AXDND1: variants seen among roughly 807,000 people sequenced by gnomAD.
The protein encoded by AXDND1 is axonemal dynein light chain domain containing 1.
In AXDND1, 110 loss-of-function variants were observed where a neutral mutation model predicts 137.5. That is an observed-to-expected ratio of 0.80 (90% CI 0.69 to 0.94). The LOEUF is 0.94. Ranked by LOEUF, AXDND1 falls within the 40% of genes least tolerant of loss-of-function variation. The pLI, the probability that AXDND1 is intolerant of heterozygous loss-of-function variation, is 0.00. For missense variants in AXDND1, 1,191 were observed against 1,169.8 expected, an observed-to-expected ratio of 1.02 and a Z score of -0.26; for synonymous variants, 414 against 399.7, an observed-to-expected ratio of 1.04 and a Z score of -0.43.
chr1:179,488,214 A>T (rs1666308173), intron 18 of AXDND1, among the ~76,000 whole-genome samples: 1 of 148,130 alleles, frequency 6.8e-6, no homozygotes, highest in African/African-American at 2.6e-5. Context: ...AAGATTAGAA[A>T]CATACTTCCA....
At chr1:179,499,875 A>G (rs1046907554) in intron 20 of AXDND1, among the ~76,000 whole-genome samples, 2 of 152,122 alleles carry the variant, frequency 1.3e-5, no homozygotes, top group African/African-American at 4.8e-5. Flanking sequence ...AACCCAGAAG[A>G]CTTGCGAATA....
intron 11 of AXDND1, among the ~76,000 whole-genome samples, chr1:179,408,002 C>T (rs1653247710): frequency 6.6e-6 from 1 of 152,132 alleles, no homozygotes; most frequent in Non-Finnish European, 1.5e-5. Flanking sequence ...AAAGACCTGT[C>T]TTCAAGGTCA....
At chr1:179,368,657 A>T (rs1203897425) in intron 2 of AXDND1, 143 bp from the exon 3 acceptor site, 3 of 671,668 alleles carry the variant, frequency 4.5e-6, no homozygotes, top group Non-Finnish European at 2.5e-6. Context: ...ACTGTTTTCA[A>T]TATTATTTGT....
Position 179,534,812 on chromosome 1 carries a change from A to G in AXDND1, c.2881A>G (p.Lys961Glu). ...ACTTCATCATACCCTTATAAAAAAT[A>G]AAGATCTAGAGGAATTAGTCATGAC... is the stretch of plus-strand genomic sequence containing the variant. Reference protein sequence around the residue: ...EKLHHTLIKNKDLEELVMTSR... With the variant: ...EKLHHTLIKNEDLEELVMTSR... The change falls in exon 25 of 26, where the codon AAA becomes GAA. Residue 961 changes from lysine to glutamate, a missense_variant. Lys to Glu is a moderately conservative substitution (Grantham distance 56, BLOSUM62 1). Coordinates refer to ENST00000367618, the MANE Select transcript of AXDND1 (RefSeq NM_144696.6). The G allele has an allele frequency of 1.2e-6, 2 of 1,607,236 alleles. No individual in the cohort carries two copies. The highest frequency in any genetic ancestry group is 8.5e-7 in the Non-Finnish European group (1 of 1,178,544).
chr1:179,528,074 T>G (rs922592528), intron 22 of AXDND1, among the ~76,000 whole-genome samples: 5 of 152,236 alleles, frequency 3.3e-5, no homozygotes, highest in Admixed American at 1.3e-4. Context: ...CCTATAGTAC[T>G]GTCAGTTCCT....
intron 16 of AXDND1, chr1:179,451,101 G>C (rs1403834193): frequency 6.6e-6 from 1 of 152,122 alleles, no homozygotes; most frequent in African/African-American, 2.4e-5. Context: ...CTGGATTCAT[G>C]AAATGGGCTG....
At chr1:179,544,764 A>C (rs527512639) in intron 25 of AXDND1, 1 of 151,990 alleles carries the variant, frequency 6.6e-6, no homozygotes, top group Non-Finnish European at 1.5e-5. Flanking sequence ...CGGATTTCTT[A>C]TGATTTCTGA....
chr1:179,488,567 GATCT>G (rs1411210408), intron 18 of AXDND1, among the ~76,000 whole-genome samples: 2 of 144,596 alleles, frequency 1.4e-5, no homozygotes, highest in Non-Finnish European at 3.0e-5. Context: ...TACCTGGCCT[GATCT>G]ATCTTTCTTT....
intron 4 of AXDND1, among the ~76,000 whole-genome samples, chr1:179,375,608 T>C (rs1668536046): frequency 8.1e-6 from 1 of 123,336 alleles, no homozygotes; most frequent in South Asian, 2.5e-4. Context: ...TATATGCACA[T>C]GTGTGTATCT....
intron 2 of AXDND1, among the ~76,000 whole-genome samples, chr1:179,367,147 AG>A (rs1558075125): frequency 6.7e-6 from 1 of 148,834 alleles, no homozygotes; most frequent in East Asian, 2.0e-4. Flanking sequence ...GCTTGAACCC[AG>A]GAGGTGAGGT....
chr1:179,384,862 C>A (rs1227714012), intron 8 of AXDND1, among the ~76,000 whole-genome samples: 1 of 151,770 alleles, frequency 6.6e-6, no homozygotes, highest in Non-Finnish European at 1.5e-5. Flanking sequence ...TCCCTGGGCT[C>A]AGGGGATCCT....
At chr1:179,536,335 A>G (rs1041981568) in intron 25 of AXDND1, among the ~76,000 whole-genome samples, 2 of 152,070 alleles carry the variant, frequency 1.3e-5, no homozygotes, top group Non-Finnish European at 2.9e-5. Flanking sequence ...TAGGGTTTTT[A>G]TGGTTTTAGG....
intron 17 of AXDND1, among the ~76,000 whole-genome samples, chr1:179,481,921 G>T (rs868814198): frequency 7.9e-5 from 12 of 152,074 alleles, no homozygotes; most frequent in Non-Finnish European, 1.6e-4. Context: ...AGTTGTCTTA[G>T]TGCCTGGTTG....
chr1:179,515,601 G>T (rs927401386), intron 21 of AXDND1, among the ~76,000 whole-genome samples: 2 of 152,094 alleles, frequency 1.3e-5, no homozygotes, highest in Non-Finnish European at 2.9e-5. Flanking sequence ...TGTGCTTCTT[G>T]TATTTGGATG....
intron 16 of AXDND1, chr1:179,456,464 G>A (rs949901494): frequency 1.4e-5 from 11 of 767,922 alleles, no homozygotes; most frequent in Middle Eastern, 7.3e-4. Context: ...CTCCACCTCC[G>A]TTGTTATAGC....
In AXDND1 at chr1:179,486,896, A is replaced by G. The variant is rs1378584306; in HGVS notation, c.2091+3675A>G. Among the ~76,000 whole-genome samples, 6 of 148,718 alleles carry G rather than the reference A, an allele frequency of 4.0e-5. 2 individuals carry two copies. Among genetic ancestry groups the G allele is most frequent in the African/African-American group, 1.3e-4 (5 of 39,056 alleles). ...TACACACTTGGGTATTTAGACTACTATAAAGCAACCAAACAAGTCTGCATA... is the reference window on the plus strand; with the variant it reads ...TACACACTTGGGTATTTAGACTACTGTAAAGCAACCAAACAAGTCTGCATA... On this transcript the variant is annotated intron_variant, in intron 18 of 25. Transcript: ENST00000367618.
intron 11 of AXDND1, among the ~76,000 whole-genome samples, chr1:179,398,697 G>A (rs992130752): frequency 2.0e-5 from 3 of 152,188 alleles, no homozygotes; most frequent in Non-Finnish European, 4.4e-5. Flanking sequence ...TTCTCTGTGA[G>A]CTGCAGGCAG....
intron 16 of AXDND1, among the ~76,000 whole-genome samples, chr1:179,446,026 G>A (rs1271267392): frequency 6.6e-6 from 1 of 151,970 alleles, no homozygotes; most frequent in Non-Finnish European, 1.5e-5. Flanking sequence ...TTAAATTCTG[G>A]CCATACTAGT....
intron 18 of AXDND1, among the ~76,000 whole-genome samples, chr1:179,486,139 A>AAAAAAAAAAAAAAAAAAACAAAACT (rs149119239): frequency 1.1e-5 from 1 of 87,770 alleles, no homozygotes; most frequent in African/African-American, 3.7e-5. Flanking sequence ...AAAAAAAAAA[A>AAAAAAAAAAAAAAAAAAACAAAACT]AACCTGATAG....
Sources: gnomAD v4.1 joint callset for allele counts (sites outside exome capture counted in the v4.1 genomes callset) on GRCh38, gnomAD v4.1.1 for gene constraint, MANE v1.5 for transcripts, NCBI Gene and HGNC (gene_info 2026-07-23, HGNC 2026-07-21) for gene names.